SSH2: variants seen among roughly 807,000 people sequenced by gnomAD.
SSH2 encodes slingshot protein phosphatase 2, also known as protein phosphatase Slingshot homolog 2.
Under a neutral mutation model 135.2 loss-of-function variants are expected in SSH2, and 37 were observed. The observed-to-expected ratio is 0.27, with a 90% confidence interval of 0.21 to 0.36. SSH2 has a LOEUF of 0.36. Ranked by LOEUF, SSH2 falls within the 10% of genes least tolerant of loss-of-function variation. The pLI is 1.00. For synonymous variants in SSH2, 628 were observed against 646.2 expected (o/e 0.97, Z 0.43); for missense variants, 1,408 against 1,765.3 (o/e 0.80, Z 3.63).
chr17:29,857,150 C>T (rs1397373352), intron 1 of SSH2, among the ~76,000 whole-genome samples: 2 of 152,168 alleles, frequency 1.3e-5, no homozygotes, highest in Non-Finnish European at 2.9e-5. Flanking sequence ...AGTCTGTTTT[C>T]ACGCTGCTGA....
At chr17:29,778,948 G>C (rs2151284811) in intron 3 of SSH2, among the ~76,000 whole-genome samples, 1 of 150,508 alleles carries the variant, frequency 6.6e-6, no homozygotes, top group Non-Finnish European at 1.5e-5. Context: ...TAATATCCAG[G>C]AAAACAACTC....
At chr17:29,890,280 CAT>C (rs2066323730) in intron 1 of SSH2, among the ~76,000 whole-genome samples, 1 of 152,170 alleles carries the variant, frequency 6.6e-6, no homozygotes, top group East Asian at 1.9e-4. Flanking sequence ...AAAGAGTTAT[CAT>C]ATGCTCTAGC....
chr17:29,658,867 CAAAAAAAAA>C (rs541052752), intron 11 of SSH2, among the ~76,000 whole-genome samples: 1 of 33,410 alleles, frequency 3.0e-5, no homozygotes, highest in Admixed American at 3.1e-4. Context: ...AACTCCGTCT[CAAAAAAAAA>C]AAAAAAAAAA....
intron 1 of SSH2, among the ~76,000 whole-genome samples, chr17:29,907,061 C>T (rs965772422): frequency 3.3e-5 from 5 of 152,082 alleles, no homozygotes; most frequent in African/African-American, 4.8e-5. Flanking sequence ...TACATGCACA[C>T]GTATGTTGAC....
At chr17:29,831,706 G>A in intron 2 of SSH2, among the ~76,000 whole-genome samples, 1 of 151,692 alleles carries the variant, frequency 6.6e-6, no homozygotes, top group Admixed American at 6.6e-5. Flanking sequence ...TGAATAGCTG[G>A]GATTACAGGC....
chr17:29,703,611 T>C (rs1308676034), intron 3 of SSH2, among the ~76,000 whole-genome samples: 1 of 150,366 alleles, frequency 6.7e-6, no homozygotes, highest in East Asian at 2.0e-4. Flanking sequence ...AGTCTCACTC[T>C]GTTGCCCAGG....
At chr17:29,727,033 T>C (rs952682401) in intron 3 of SSH2, among the ~76,000 whole-genome samples, 4 of 152,242 alleles carry the variant, frequency 2.6e-5, no homozygotes, top group Middle Eastern at 3.2e-3. Context: ...TTATCACACA[T>C]GTCTATATCA....
chr17:29,914,738 G>A (rs2066852380), intron 1 of SSH2, among the ~76,000 whole-genome samples: 1 of 152,060 alleles, frequency 6.6e-6, no homozygotes, highest in Non-Finnish European at 1.5e-5. Flanking sequence ...TATCTAAAAA[G>A]AATTTTAATA....
At chr17:29,916,224 T>A (rs1463171771) in intron 1 of SSH2, among the ~76,000 whole-genome samples, 1 of 152,140 alleles carries the variant, frequency 6.6e-6, no homozygotes, top group Non-Finnish European at 1.5e-5. Flanking sequence ...TAATACTTTG[T>A]GAATACATGT....
chr17:29,696,652 T>C (rs146805769), intron 4 of SSH2, among the ~76,000 whole-genome samples: 16 of 145,370 alleles, frequency 1.1e-4, no homozygotes, highest in African/African-American at 3.4e-4. Flanking sequence ...CACACACCTA[T>C]GTATGTATAT....
At chr17:29,923,343 G>T (rs1484619495) in intron 1 of SSH2, among the ~76,000 whole-genome samples, 1 of 152,112 alleles carries the variant, frequency 6.6e-6, no homozygotes, top group African/African-American at 2.4e-5. Context: ...AAAGGGCTGG[G>T]TGTGGTGACT....
intron 2 of SSH2, among the ~76,000 whole-genome samples, chr17:29,820,934 A>C (rs976398610): frequency 1.3e-5 from 2 of 151,998 alleles, no homozygotes; most frequent in Admixed American, 6.6e-5. Flanking sequence ...TACTTGGGGG[A>C]ATCAACCGTA....
At chr17:29,807,253 T>A (rs1000841142) in intron 2 of SSH2, among the ~76,000 whole-genome samples, 33 of 152,202 alleles carry the variant, frequency 2.2e-4, no homozygotes, top group African/African-American at 5.8e-4. Flanking sequence ...ATACAGTTAG[T>A]GGCCCAAGTA....
intron 3 of SSH2, among the ~76,000 whole-genome samples, chr17:29,710,019 G>A (rs1259706352): frequency 6.6e-6 from 1 of 152,174 alleles, no homozygotes; most frequent in African/African-American, 2.4e-5. Flanking sequence ...TAGACAAAGT[G>A]TGGAGGAAAA....
At chr17:29,744,248 G>A (rs1034866947) in intron 3 of SSH2, among the ~76,000 whole-genome samples, 2 of 152,134 alleles carry the variant, frequency 1.3e-5, no homozygotes, top group African/African-American at 2.4e-5. Flanking sequence ...GGGCTCAGAC[G>A]TCCACACACT....
rs559356818 is a variant in SSH2 at position 29,854,016 on chromosome 17, C to CTAA, written c.64-5090_64-5088dup. 4.6e-3 allele frequency among the ~76,000 whole-genome samples: 693 copies of CTAA among 151,660 alleles called. 18 individuals are homozygous for CTAA. Among genetic ancestry groups the CTAA allele is most frequent in the African/African-American group, 0.016 (656 of 41,212 alleles). ...GATGTTGCCACTATTACTGCTGCTT[C>CTAA]TAATAATAATAATAAATATTACTGT... is the stretch of plus-strand genomic sequence containing the variant. On this transcript the variant is annotated intron_variant, in intron 1 of 15. Transcript: ENST00000540801.
At chr17:29,637,487 G>A (rs1448209107) in intron 14 of SSH2, among the ~76,000 whole-genome samples, 1 of 152,100 alleles carries the variant, frequency 6.6e-6, no homozygotes, top group Non-Finnish European at 1.5e-5. Flanking sequence ...AGTACACACA[G>A]ATATCCATAT....
intron 1 of SSH2, among the ~76,000 whole-genome samples, chr17:29,862,290 G>A (rs2151408686): frequency 6.6e-6 from 1 of 152,292 alleles, no homozygotes; most frequent in East Asian, 1.9e-4. Context: ...TTGCTATACA[G>A]GTTCTTTATC....
chr17:29,910,616 T>C (rs1242337833), intron 1 of SSH2, among the ~76,000 whole-genome samples: 1 of 152,248 alleles, frequency 6.6e-6, no homozygotes, highest in Non-Finnish European at 1.5e-5. Context: ...CTGTTTATGG[T>C]TGCATAAGCT....
Sources: gnomAD v4.1 joint callset for allele counts (sites outside exome capture counted in the v4.1 genomes callset) on GRCh38, gnomAD v4.1.1 for gene constraint, MANE v1.5 for transcripts, NCBI Gene and HGNC (gene_info 2026-07-23, HGNC 2026-07-21) for gene names.